The following TMEM259 variants were observed in gnomAD, a reference collection of about 807,000 sequenced individuals.
TMEM259 encodes the protein membralin.
Under a neutral mutation model 46.7 loss-of-function variants are expected in TMEM259, and 26 were observed. The observed-to-expected ratio is 0.56, with a 90% CI of 0.41 to 0.77. TMEM259 has a LOEUF of 0.77. Among genes scored for constraint, TMEM259 ranks in the 30% least tolerant of loss-of-function variants. TMEM259 has a pLI of 0.00. For missense variants in TMEM259, 930 were observed against 900.5 expected (o/e 1.03, Z -0.42); for synonymous variants, 494 against 395.1 (o/e 1.25, Z -2.97).
rs1370443468 is a variant in TMEM259 at position 1,021,011 on chromosome 19, C to T, written c.-15G>A. 2.2e-6 allele frequency: 3 copies of T among 1,357,260 alleles called. No individual in the cohort carries two copies. Among genetic ancestry groups the T allele is most frequent in the African/African-American group, 3.1e-5 (2 of 65,406 alleles). The allele number at this position is 1,357,260 out of a possible 1,614,324, so 84.1% of individuals were successfully genotyped here. A position where few individuals can be genotyped will look rare whatever the true frequency, so the allele number is the denominator to read the frequency against. ...TGCTCCGACATGCCTCCCAGCGTCG[C>T]GCCCTAACGACCCGCAAGTGTCCGA... is the stretch of plus-strand genomic sequence containing the variant. On this transcript the variant is annotated 5_prime_UTR_variant, in exon 1 of 11. Coordinates refer to ENST00000356663, the MANE Select transcript of TMEM259 (RefSeq NM_001033026.2).
intron 2 of TMEM259, 138 bp downstream of exon 2, chr19:1,014,053 CA>C: frequency 1.8e-6 from 2 of 1,102,074 alleles, no homozygotes; most frequent in Non-Finnish European, 2.6e-6. Flanking sequence ...CCACGGCAGG[CA>C]GGGGCGGCCT....
Position 1,020,588 on chromosome 19 carries a change from C to T in TMEM259, c.225+184G>A, listed in dbSNP as rs2039260311. Among the ~76,000 whole-genome samples the T allele has an allele frequency of 6.6e-6, 1 of 152,122 alleles. No individual in the cohort carries two copies. Among genetic ancestry groups the T allele is most frequent in the African/African-American group, 2.4e-5 (1 of 41,440 alleles). ...GGGATGGGGTCACGAGACGGTGTCC[C>T]TGGCCAATCCCAGGGTCAGAGGTCG... On this transcript the variant is annotated intron_variant, in intron 1 of 10. Coordinates refer to ENST00000356663, the MANE Select transcript of TMEM259 (RefSeq NM_001033026.2). This position sits in a 1 kb window ranked among gnomAD's most constrained non-coding sequence, Gnocchi z 4.0.
chr19:1,020,662 G>T lies in TMEM259; in HGVS notation c.225+110C>A. On this transcript the variant is annotated intron_variant, in intron 1 of 10. Coordinates refer to ENST00000356663, the MANE Select transcript of TMEM259 (RefSeq NM_001033026.2). This position sits in a 1 kb window ranked among gnomAD's most constrained non-coding sequence, Gnocchi z 4.0. The stretch of plus-strand genomic sequence containing the variant: ...GGCCGGGTATAGGCCTCAGGGTGCA[G>T]GGTGGCGCTCGCTGTCCCCAGCGGG... 1.3e-6 allele frequency: 1 copy of T among 750,910 alleles called. No individual in the cohort carries two copies. Among genetic ancestry groups the T allele is most frequent in the Non-Finnish European group, 1.9e-6 (1 of 540,458 alleles). The allele number at this position is 750,910 out of a possible 1,614,324, so 46.5% of individuals were successfully genotyped here. A position where few individuals can be genotyped will look rare whatever the true frequency, so the allele number is the denominator to read the frequency against.
At chr19:1,017,515 A>G in intron 1 of TMEM259, 1 of 398,024 alleles carries the variant, frequency 2.5e-6, no homozygotes, top group Non-Finnish European at 4.4e-6. Flanking sequence ...CCCACCCAGC[A>G]CAGGAGTCAC....
At chr19:1,011,857 C>A (rs113138803) in intron 6 of TMEM259, 35 bp downstream of exon 6, 495,110 of 1,591,246 alleles carry the variant, frequency 0.31, 78,917 homozygotes, top group South Asian at 0.33. Flanking sequence ...TGGCTCCCGC[C>A]CGGCCAGCCC....
In TMEM259 at chr19:1,020,814, C is replaced by A. The variant is rs138011392; in HGVS notation, c.183G>T (p.Pro61=). ...ACTCGAAGAGACGGCGGAAGGCGGG[C>A]GGGAAGAGCCGCGAATAGGTGACAG... ...KMAVTYSRLF[P]PAFRRLFEFF... Residue 61 remains proline (P), a synonymous_variant, in exon 1 of 11, where the codon CCG becomes CCT. Coordinates refer to ENST00000356663, the MANE Select transcript of TMEM259 (RefSeq NM_001033026.2). The surrounding 1 kb of genome is among the most constrained non-coding windows in gnomAD (Gnocchi z 4.0). 6 of 1,345,696 alleles carry A rather than the reference C, an allele frequency of 4.5e-6. No homozygotes were observed. Among genetic ancestry groups the A allele is most frequent in the African/African-American group, 1.5e-5 (1 of 65,996 alleles). The allele number at this position is 1,345,696 out of a possible 1,614,324, so 83.4% of individuals were successfully genotyped here. A position where few individuals can be genotyped will look rare whatever the true frequency, so the allele number is the denominator to read the frequency against.
chr19:1,015,829 G>A (rs576574057), intron 1 of TMEM259, among the ~76,000 whole-genome samples: 136 of 152,238 alleles, frequency 8.9e-4, no homozygotes, highest in African/African-American at 3.1e-3. Flanking sequence ...ACTCTTCCAC[G>A]CCCACAGTGA....
chr19:1,012,235 C>T (rs559473498), intron 4 of TMEM259, 47 bp from the exon 5 acceptor site: 657 of 1,560,716 alleles, frequency 4.2e-4, no homozygotes, highest in Non-Finnish European at 5.1e-4. Flanking sequence ...CCAGGCCACC[C>T]CCTGGGCCCT....
intron 1 of TMEM259, among the ~76,000 whole-genome samples, chr19:1,015,222 C>T (rs536809785): frequency 5.4e-4 from 83 of 152,344 alleles, no homozygotes; most frequent in African/African-American, 1.8e-3. Flanking sequence ...CTGCCGTGCC[C>T]GAGGCACAAC....
At chr19:1,013,153 G>C (rs756906391) in intron 3 of TMEM259, 88 bp downstream of exon 3, 5 of 1,173,650 alleles carry the variant, frequency 4.3e-6, no homozygotes, top group Non-Finnish European at 6.3e-6. Flanking sequence ...CAGCAGGCTG[G>C]GGATGTTCGG....
chr19:1,013,427 G>A, intron 2 of TMEM259, 87 bp from the exon 3 acceptor site: 4 of 1,354,592 alleles, frequency 3.0e-6, no homozygotes, highest in Non-Finnish European at 4.2e-6. Context: ...CTAATGGGAA[G>A]GGACTGGAAG....
chr19:1,016,882 G>A (rs550805345), intron 1 of TMEM259, among the ~76,000 whole-genome samples: 2 of 152,238 alleles, frequency 1.3e-5, no homozygotes, highest in Admixed American at 6.5e-5. Context: ...TGATGAGAGG[G>A]CACCAGTGTT....
At chr19:1,019,521 A>G (rs1249138004) in intron 1 of TMEM259, among the ~76,000 whole-genome samples, 3 of 152,178 alleles carry the variant, frequency 2.0e-5, no homozygotes, top group Non-Finnish European at 2.9e-5. Context: ...GGTGGGAAGG[A>G]TGATGGGCTG....
In TMEM259 at chr19:1,013,316, C is replaced by T; in HGVS notation, c.532G>A (p.Val178Met). ...TCTGTGCTACTCGGCGGCTTGAACA[C>T]CTTGGGCTCGATGTCCAGCTCAAAC... Reference protein sequence around the residue: ...IKFELDIEPKVFKPPSSTEAL... With the variant: ...IKFELDIEPKMFKPPSSTEAL... The change falls in exon 3 of 11, where the codon GTG (valine) becomes ATG (methionine). Residue 178 changes from valine to methionine, a missense_variant. Transcript: ENST00000356663. The T allele has an allele frequency of 6.2e-7, 1 of 1,613,762 alleles. No homozygotes were observed. The highest frequency in any genetic ancestry group is 8.5e-7 in the Non-Finnish European group (1 of 1,179,796).
chr19:1,013,510 C>T (rs982448864), intron 2 of TMEM259, 170 bp from the exon 3 acceptor site: 12 of 606,676 alleles, frequency 2.0e-5, no homozygotes, highest in Non-Finnish European at 3.2e-5. Flanking sequence ...TGGGACCCCA[C>T]CTCAACACCA....
rs1288801656 is a variant in TMEM259, at chr19:1,010,489, C to A, written c.1724G>T (p.Gly575Val). The change falls in exon 11 of 11, where the codon GGC becomes GTC. Residue 575 changes from glycine to valine, a missense_variant. Coordinates refer to ENST00000356663, the MANE Select transcript of TMEM259 (RefSeq NM_001033026.2). Reference protein sequence around the residue: ...RPASPLGPAGGLPHAPQDSVP... With the variant: ...RPASPLGPAGVLPHAPQDSVP... ...ACTGTCCTGGGGGGCGTGGGGGAGG[C>A]CCCCAGCAGGGCCCAGCGGGCTGGC... 1.9e-6 allele frequency: 3 copies of A among 1,545,936 alleles called. No homozygotes were observed. The highest frequency in any genetic ancestry group is 2.4e-5 in the East Asian group (1 of 40,880).
At chr19:1,017,510 C>T (rs1026783709) in intron 1 of TMEM259, 3 of 398,748 alleles carry the variant, frequency 7.5e-6, no homozygotes, top group Non-Finnish European at 8.8e-6. Flanking sequence ...CCCTGCCCAC[C>T]CAGCACAGGA....
At position 1,010,913 on chromosome 19, in the gene TMEM259, G is replaced by A. The variant is rs560277415; in HGVS notation, c.1318-18C>T. 1.9e-6 allele frequency: 3 copies of A among 1,573,826 alleles called. No homozygotes were observed. Among genetic ancestry groups the A allele is most frequent in the African/African-American group, 1.3e-5 (1 of 74,176 alleles). On this transcript the variant is annotated intron_variant, in intron 10 of 10. Coordinates refer to ENST00000356663, the MANE Select transcript of TMEM259 (RefSeq NM_001033026.2). ...ATGGAATGCTGCGGGAGGGAGAGTG[G>A]GAGTCAGGACGGGCCCGCCCCTGCC...
chr19:1,021,029 G>A lies in TMEM259; in HGVS notation c.-33C>T. On this transcript the variant is annotated 5_prime_UTR_variant, in exon 1 of 11. Transcript: ENST00000356663. The stretch of plus-strand genomic sequence containing the variant: ...AGCGTCGCGCCCTAACGACCCGCAA[G>A]TGTCCGAGGGCGCCTCCCGGCCGCC... The A allele has an allele frequency of 7.5e-7, 1 of 1,334,550 alleles. No individual in the cohort carries two copies. The highest frequency in any genetic ancestry group is 9.7e-7 in the Non-Finnish European group (1 of 1,031,460). The allele number at this position is 1,334,550 out of a possible 1,614,324, so 82.7% of individuals were successfully genotyped here.
Sources: allele counts gnomAD v4.1 joint callset (sites outside exome capture counted in the v4.1 genomes callset), GRCh38; gene constraint gnomAD v4.1.1; non-coding constraint Gnocchi (gnomAD v3.1); transcripts MANE v1.5; gene names NCBI Gene and HGNC (gene_info 2026-07-23, HGNC 2026-07-21).